The following HYOU1 variants were observed in gnomAD, a reference collection of about 807,000 sequenced individuals.
HYOU1 encodes hypoxia up-regulated 1.
In HYOU1, 40 loss-of-function variants were observed where a neutral mutation model predicts 120.5. The ratio of observed to expected loss-of-function variants is 0.33; its 90% confidence interval spans 0.26 to 0.43. The LOEUF (loss-of-function observed/expected upper bound fraction) is 0.43. Among genes scored for constraint, HYOU1 ranks in the 20% least tolerant of loss-of-function variants. The pLI is 1.00. For synonymous variants in HYOU1, 501 were observed against 479.4 expected (o/e 1.05, Z -0.59); for missense variants, 1,085 against 1,278.3 (o/e 0.85, Z 2.31).
rs1274629610 is a variant in HYOU1 at position 119,045,362 on chromosome 11, C to T, written c.*231G>A. 3 of 677,818 alleles carry T rather than the reference C, an allele frequency of 4.4e-6. No individual in the cohort carries two copies. In the African/African-American group the frequency reaches 5.3e-5, roughly 12 times the overall value. The allele number at this position is 677,818 out of a possible 1,614,324, so 42.0% of individuals were successfully genotyped here. A position where few individuals can be genotyped will look rare whatever the true frequency, so the allele number is the denominator to read the frequency against. ...ATTTAGGGCCTATATGGGTAGGGAACAGGGAGTGGGGCTGGGGAGGAGAAC... is the reference window on the plus strand; with the variant it reads ...ATTTAGGGCCTATATGGGTAGGGAATAGGGAGTGGGGCTGGGGAGGAGAAC... On this transcript the variant is annotated 3_prime_UTR_variant, in exon 26 of 26. Transcript: ENST00000617285.
At position 119,048,710 on chromosome 11, in the gene HYOU1, T is replaced by A; in HGVS notation, c.2165+4A>T. 1 of 1,608,630 alleles carries A rather than the reference T, an allele frequency of 6.2e-7. No individual in the cohort carries two copies. The highest frequency in any genetic ancestry group is 8.5e-7 in the Non-Finnish European group (1 of 1,176,962). On this transcript the variant is annotated splice_donor_region_variant and intron_variant, in intron 18 of 25. Transcript: ENST00000617285. This position sits in a 1 kb window ranked among gnomAD's most constrained non-coding sequence, Gnocchi z 4.7. ...ACACACACACACCAGCTGTCCTCAC[T>A]TACTTCTGCACCGACTGAGCCAGCT...
At chr11:119,054,722 T>TTA in intron 6 of HYOU1, 47 bp from the exon 7 acceptor site, 1 of 1,569,174 alleles carries the variant, frequency 6.4e-7, no homozygotes, top group Non-Finnish European at 8.7e-7. Flanking sequence ...ATACCTTAGA[T>TTA]GAGGGCTTCT....
In HYOU1 at chr11:119,050,719, CCAAAAAAAAAAAAAAAAAAAAAAA is replaced by C. The variant is rs1434115957; in HGVS notation, c.1665+292_1665+315del. On this transcript the variant is annotated intron_variant, in intron 14 of 25. Transcript: ENST00000617285. ...TTAAGTAACAGAGCCAAGACCCTCT[CCAAAAAAAAAAAAAAAAAAAAAAA>C]AAAAAAAAAAAAAAGAGTGGATTCT... Among the ~76,000 whole-genome samples, 9 of 52,868 alleles carry C rather than the reference CCAAAAAAAAAAAAAAAAAAAAAAA, an allele frequency of 1.7e-4. 1 individual carries two copies. Among genetic ancestry groups the C allele is most frequent in the Admixed American group, 1.2e-3 (5 of 4,170 alleles). The allele number at this position is 52,868 out of a possible 152,430, so 34.7% of individuals were successfully genotyped here.
chr11:119,051,016 G>T lies in HYOU1; in HGVS notation c.1665+19C>A. The T allele has an allele frequency of 6.2e-7, 1 of 1,613,986 alleles. No individual in the cohort carries two copies. Among genetic ancestry groups the T allele is most frequent in the South Asian group, 1.1e-5 (1 of 91,072 alleles). The stretch of plus-strand genomic sequence containing the variant: ...GCCTGAGCCCCTGCTCTGCACACAG[G>T]GTATCCTTTAGCTCTCACCCTGTCT... On this transcript the variant is annotated intron_variant, in intron 14 of 25. Coordinates refer to ENST00000617285, the MANE Select transcript of HYOU1 (RefSeq NM_006389.5). The surrounding 1 kb of genome is among the most constrained non-coding windows in gnomAD (Gnocchi z 4.2).
At position 119,054,666 on chromosome 11, in the gene HYOU1, A is replaced by G. The variant is rs2133606869; in HGVS notation, c.506T>C (p.Ile169Thr). Residue 169 changes from isoleucine to threonine, a missense_variant, in exon 7 of 26, where the codon ATC (isoleucine) becomes ACC (threonine). Around this residue, in one of 4 missense-constraint regions of HYOU1, gnomAD observed 515 missense variants for 677.8 expected, o/e 0.76. Transcript: ENST00000617285. ...SLAEDFAEQP[I>T]KDAVITVPVF... ...TGGCACGGTGATCACTGCATCCTTG[A>G]TGGGCTGCTCTACAGATGACAACAG... 8.7e-6 allele frequency: 14 copies of G among 1,612,120 alleles called. No homozygotes were observed. The South Asian group carries it at 1.5e-4, about 18-fold the overall frequency.
chr11:119,051,242 C>T lies in HYOU1; in HGVS notation c.1527-69G>A. ...CCATCTCGCCCTCTAGACTACATGG[C>T]CTCCTGGCACAAGGTGTCAGGGGCA... On this transcript the variant is annotated intron_variant, in intron 13 of 25. Coordinates refer to ENST00000617285, the MANE Select transcript of HYOU1 (RefSeq NM_006389.5). This position sits in a 1 kb window ranked among gnomAD's most constrained non-coding sequence, Gnocchi z 4.2. 6.3e-7 allele frequency: 1 copy of T among 1,592,714 alleles called. No individual in the cohort carries two copies. The highest frequency in any genetic ancestry group is 8.6e-7 in the Non-Finnish European group (1 of 1,166,360).
rs150229065 is a variant in HYOU1 at position 119,051,848 on chromosome 11, C to T, written c.1309G>A (p.Val437Ile). The T allele has an allele frequency of 5.5e-5, 89 of 1,614,158 alleles. No homozygotes were observed. The Middle Eastern group carries it at 1.2e-3, about 21-fold the overall frequency. The change falls in exon 12 of 26, where the codon GTC (valine) becomes ATC (isoleucine). Residue 437 changes from valine (V) to isoleucine (I), a missense_variant. This residue lies in a region of HYOU1 where 515 missense variants were observed against 677.8 expected (regional missense o/e 0.76). Coordinates refer to ENST00000617285, the MANE Select transcript of HYOU1 (RefSeq NM_006389.5). This position sits in a 1 kb window ranked among gnomAD's most constrained non-coding sequence, Gnocchi z 4.2. The stretch of plus-strand genomic sequence containing the variant: ...ATGGGGTAGACCACTGCATCTCGGA[C>T]GACAAATGGCTTCACTTTAAAGGCT... ...SKAFKVKPFV[V>I]RDAVVYPILV... is the part of the protein sequence containing the mutation.
chr11:119,053,874 T>C, intron 8 of HYOU1: 1 of 422,216 alleles, frequency 2.4e-6, no homozygotes, highest in Non-Finnish European at 4.2e-6. Context: ...ACATATTGCC[T>C]GCGGCTCCAT....
chr11:119,048,006 C>T lies in HYOU1; in HGVS notation c.2451G>A (p.Lys817=). ...GLFFRVEERK[K]WPERLSALDN... Reference sequence around the variant, plus strand: ...CGAGGGCAGACAGCCGTTCGGGCCACTTCTTGCGCTCCTCTACCCGAAAAA... The same window carrying T: ...CGAGGGCAGACAGCCGTTCGGGCCATTTCTTGCGCTCCTCTACCCGAAAAA... The change falls in exon 21 of 26, where the codon AAG becomes AAA. Residue 817 remains lysine (K), a synonymous_variant. Transcript: ENST00000617285. The surrounding 1 kb of genome is among the most constrained non-coding windows in gnomAD (Gnocchi z 4.7). The T allele has an allele frequency of 6.2e-7, 1 of 1,614,200 alleles. No homozygotes were observed. The highest frequency in any genetic ancestry group is 8.5e-7 in the Non-Finnish European group (1 of 1,180,038).
chr11:119,046,167 T>G (rs1029817167), intron 24 of HYOU1, among the ~76,000 whole-genome samples: 2 of 152,082 alleles, frequency 1.3e-5, no homozygotes, highest in Non-Finnish European at 2.9e-5. Context: ...GGTTTCACCA[T>G]GTTGGCCAGG....
At position 119,054,506 on chromosome 11, in the gene HYOU1, G is replaced by A; in HGVS notation, c.666C>T (p.Asn222=). Residue 222 remains asparagine, a synonymous_variant, in exon 7 of 26, where the codon AAC becomes AAT. Coordinates refer to ENST00000617285, the MANE Select transcript of HYOU1 (RefSeq NM_006389.5). ...TCCCCTGGCTCACCTGGGCAGTGGT[G>A]TTAATATCTTTCCGGCGGAAGACAC... The part of the protein sequence containing the change: ...SYGVFRRKDI[N]TTAQNIMFYD... 1 of 1,614,164 alleles carries A rather than the reference G, an allele frequency of 6.2e-7. No individual in the cohort carries two copies. Among genetic ancestry groups the A allele is most frequent in the South Asian group, 1.1e-5 (1 of 91,080 alleles).
chr11:119,048,208 A>G lies in HYOU1; in HGVS notation c.2376+40T>C. The G allele has an allele frequency of 6.2e-7, 1 of 1,605,772 alleles. No homozygotes were observed. The highest frequency in any genetic ancestry group is 8.5e-7 in the Non-Finnish European group (1 of 1,176,574). On this transcript the variant is annotated intron_variant, in intron 20 of 25. Transcript: ENST00000617285. The surrounding 1 kb of genome is among the most constrained non-coding windows in gnomAD (Gnocchi z 4.7). ...TCTCTGACCCTGGGAGAGGAAGGAGAGCTCCCACTCCACCTGCCATGTCCT... is the reference window on the plus strand; with the variant it reads ...TCTCTGACCCTGGGAGAGGAAGGAGGGCTCCCACTCCACCTGCCATGTCCT...
At chr11:119,054,390 C>T in intron 7 of HYOU1, 104 bp downstream of exon 7, 2 of 1,333,016 alleles carry the variant, frequency 1.5e-6, no homozygotes, top group Non-Finnish European at 2.1e-6. Flanking sequence ...TGCATTTTGC[C>T]AAGGGTCAGC....
At position 119,054,566 on chromosome 11, in the gene HYOU1, G is replaced by A. The variant is rs898614824; in HGVS notation, c.606C>T (p.Leu202=). 1 of 1,614,146 alleles carries A rather than the reference G, an allele frequency of 6.2e-7. No homozygotes were observed. The highest frequency in any genetic ancestry group is 1.3e-5 in the African/African-American group (1 of 75,024). Residue 202 remains leucine, a synonymous_variant, in exon 7 of 26, where the codon CTC becomes CTT. Transcript: ENST00000617285. ...GGGCAGTGGCGGTGTTGTCATTGAT[G>A]AGCTGCAGCACTTTGAGGCCAGCCA... ...ARMAGLKVLQ[L]INDNTATALS...
rs1033820543 is a variant in HYOU1, at chr11:119,051,757, G to A, written c.1338+62C>T. 1 of 1,606,678 alleles carries A rather than the reference G, an allele frequency of 6.2e-7. No homozygotes were observed. Among genetic ancestry groups the A allele is most frequent in the South Asian group, 1.1e-5 (1 of 90,888 alleles). On this transcript the variant is annotated intron_variant, in intron 12 of 25. Transcript: ENST00000617285. The surrounding 1 kb of genome is among the most constrained non-coding windows in gnomAD (Gnocchi z 4.2). ...AAGGGATGAGCCAGAGCAGACAGAAGGGGAAACCCTACTTGGGAGAGGTAA... is the reference window on the plus strand; with the variant it reads ...AAGGGATGAGCCAGAGCAGACAGAAAGGGAAACCCTACTTGGGAGAGGTAA...
Position 119,052,810 on chromosome 11 carries a change from C to T in HYOU1, c.814G>A (p.Gly272Ser). Reference sequence around the variant, plus strand: ...CGAAGCCGGAGCTCCATCTCCAGGCCCCCCAGGGTACGGTCAAATCTGTTG... The same window carrying T: ...CGAAGCCGGAGCTCCATCTCCAGGCTCCCCAGGGTACGGTCAAATCTGTTG... ...RGVGFDRTLGGLEMELRLRER... is the reference protein window; with the variant it reads ...RGVGFDRTLGSLEMELRLRER... Residue 272 changes from glycine (G) to serine (S), a missense_variant, in exon 9 of 26, where the codon GGC becomes AGC. Physicochemically the swap from Gly to Ser is moderately conservative, Grantham distance 56. This residue lies in a region of HYOU1 where 515 missense variants were observed against 677.8 expected (regional missense o/e 0.76). Transcript: ENST00000617285. This position sits in a 1 kb window ranked among gnomAD's most constrained non-coding sequence, Gnocchi z 5.0. The T allele has an allele frequency of 6.2e-7, 1 of 1,613,796 alleles. No individual in the cohort carries two copies. Among genetic ancestry groups the T allele is most frequent in the Non-Finnish European group, 8.5e-7 (1 of 1,179,882 alleles).
intron 22 of HYOU1, chr11:119,047,061 C>T (rs1944124621): frequency 3.0e-6 from 1 of 335,218 alleles, no homozygotes. Flanking sequence ...TTGAATAGTC[C>T]TTTTTTTTTT....
In HYOU1 at chr11:119,051,036, C is replaced by T. The variant is rs1944409125; in HGVS notation, c.1664G>A (p.Arg555Lys). 1 of 1,614,224 alleles carries T rather than the reference C, an allele frequency of 6.2e-7. No homozygotes were observed. The highest frequency in any genetic ancestry group is 8.5e-7 in the Non-Finnish European group (1 of 1,180,040). Residue 555 changes from arginine to lysine, a missense_variant and splice_region_variant, in exon 14 of 26, where the codon AGG (arginine) becomes AAG (lysine). Physicochemically the swap from Arg to Lys is conservative, Grantham distance 26. Coordinates refer to ENST00000617285, the MANE Select transcript of HYOU1 (RefSeq NM_006389.5). This position sits in a 1 kb window ranked among gnomAD's most constrained non-coding sequence, Gnocchi z 4.2. ...LDESGVLSLD[R>K]VESVFETLVE... ...CACAGGGTATCCTTTAGCTCTCACC[C>T]TGTCTAGACTGAGCACGCCACTCTC...
rs2133552014 is a variant in HYOU1 at position 119,046,653 on chromosome 11, C to T, written c.2745G>A (p.Arg915=). The stretch of plus-strand genomic sequence containing the variant: ...TCCCATTCTTGTCCTTAGGCCGGGG[C>T]CGGGGCTTGGTAAACTTGGCCTTAT... ...LLNKAKFTKP[R]PRPKDKNGTR... Residue 915 remains arginine, a synonymous_variant, in exon 23 of 26, where the codon CGG becomes CGA. Transcript: ENST00000617285. The T allele has an allele frequency of 6.2e-7, 1 of 1,614,080 alleles. No homozygotes were observed. The highest frequency in any genetic ancestry group is 8.5e-7 in the Non-Finnish European group (1 of 1,180,046).
Sources: gnomAD v4.1 joint callset for allele counts (sites outside exome capture counted in the v4.1 genomes callset) on GRCh38, gnomAD v4.1.1 for gene constraint, gnomAD v4.1.1 regional missense constraint, Gnocchi (gnomAD v3.1) non-coding constraint, MANE v1.5 for transcripts, NCBI Gene and HGNC (gene_info 2026-07-23, HGNC 2026-07-21) for gene names.